TRAPPC11: variants seen among roughly 807,000 people sequenced by gnomAD.
TRAPPC11 encodes foie gras homolog.
A neutral mutation model predicts 151.2 loss-of-function variants in TRAPPC11; 104 were observed. The observed-to-expected ratio is 0.69, with a 90% confidence interval of 0.59 to 0.81. The LOEUF is 0.81. TRAPPC11 is among the 30% of genes least tolerant of loss of function. The pLI, the probability that TRAPPC11 is intolerant of heterozygous loss-of-function variation, is 0.00. For synonymous variants in TRAPPC11, 456 were observed against 472.3 expected, an observed-to-expected ratio of 0.97 and a Z score of 0.45; for missense variants, 1,230 against 1,349.6, an observed-to-expected ratio of 0.91 and a Z score of 1.39.
intron 10 of TRAPPC11, among the ~76,000 whole-genome samples, chr4:183,681,129 G>A (rs972069135): frequency 6.6e-6 from 1 of 151,376 alleles, no homozygotes; most frequent in Admixed American, 6.6e-5. Flanking sequence ...AAATAAGAAC[G>A]TGGTATATAT....
rs1736821968 is a variant in TRAPPC11, at chr4:183,701,927, G to C, written c.2963+119G>C. 1.2e-5 allele frequency: 9 copies of C among 724,452 alleles called. No homozygotes were observed. The South Asian group carries it at 1.5e-4, about 12-fold the overall frequency. 44.9% of individuals were successfully genotyped at this position (724,452 alleles called of 1,614,324 possible). On this transcript the variant is annotated intron_variant, in intron 26 of 29. Transcript: ENST00000334690. Reference sequence around the variant, plus strand: ...TGTCATTCTGAAGAGCAGAAGTCATGTGGATATGAACACAAACCTGAAAAA... The same window carrying C: ...TGTCATTCTGAAGAGCAGAAGTCATCTGGATATGAACACAAACCTGAAAAA...
chr4:183,706,701 A>G, intron 27 of TRAPPC11, 106 bp from the exon 28 acceptor site: 1 of 1,245,224 alleles, frequency 8.0e-7, no homozygotes, highest in Non-Finnish European at 1.1e-6. Flanking sequence ...TAACGTCATT[A>G]ATTTAAATGA....
chr4:183,679,859 G>A (rs1045081362), intron 9 of TRAPPC11, among the ~76,000 whole-genome samples: 1 of 152,028 alleles, frequency 6.6e-6, no homozygotes. Flanking sequence ...TTATTTGAGT[G>A]GTAGGAACTA....
Position 183,686,614 on chromosome 4 carries a change from C to T in TRAPPC11, c.1763-4C>T, listed in dbSNP as rs373417494. The T allele has an allele frequency of 6.2e-7, 1 of 1,613,650 alleles. No individual in the cohort carries two copies. The highest frequency in any genetic ancestry group is 1.7e-5 in the Admixed American group (1 of 59,926). On this transcript the variant is annotated splice_region_variant and splice_polypyrimidine_tract_variant and intron_variant, in intron 17 of 29. Transcript: ENST00000334690. ...ATAACACAGCCCTTTTGTTTTATTT[C>T]TAGTGCAGTGCAAAGCCAAGTTTCA... is the stretch of plus-strand genomic sequence containing the variant.
intron 27 of TRAPPC11, among the ~76,000 whole-genome samples, chr4:183,706,369 A>G (rs1232422537): frequency 6.6e-6 from 1 of 152,076 alleles, no homozygotes; most frequent in African/African-American, 2.4e-5. Context: ...TAAAAATGCA[A>G]AAAATTAGCC....
chr4:183,663,867 C>T lies in TRAPPC11; in HGVS notation c.-1C>T, dbSNP rs767219129. 3 of 1,558,412 alleles carry T rather than the reference C, an allele frequency of 1.9e-6. No homozygotes were observed. Among genetic ancestry groups the T allele is most frequent in the East Asian group, 2.4e-5 (1 of 40,930 alleles). ...TTCAGGTTTTTTGTGACATCGTAAACATGAGCCCCACACAGTGGGACTTCC... is the reference window on the plus strand; with the variant it reads ...TTCAGGTTTTTTGTGACATCGTAAATATGAGCCCCACACAGTGGGACTTCC... On this transcript the variant is annotated 5_prime_UTR_variant, in exon 2 of 30. Transcript: ENST00000334690.
chr4:183,661,365 T>G (rs1306985825), intron 1 of TRAPPC11, among the ~76,000 whole-genome samples: 1 of 130,058 alleles, frequency 7.7e-6, no homozygotes, highest in Non-Finnish European at 1.6e-5. Flanking sequence ...GATTACCTTT[T>G]TTTTTTTTTT....
chr4:183,660,900 G>A (rs1042946774), intron 1 of TRAPPC11, among the ~76,000 whole-genome samples: 1 of 151,912 alleles, frequency 6.6e-6, no homozygotes, highest in Admixed American at 6.6e-5. Context: ...TTTTAGTAGA[G>A]ACGGGGTTTC....
chr4:183,684,399 T>A (rs1195332977), intron 14 of TRAPPC11, 40 bp downstream of exon 14: 1 of 1,544,572 alleles, frequency 6.5e-7, no homozygotes, highest in Admixed American at 1.7e-5. Flanking sequence ...AGTATTTGGA[T>A]TATCTGAAGT....
chr4:183,696,483 A>C (rs143271015), intron 23 of TRAPPC11, among the ~76,000 whole-genome samples: 2,249 of 151,422 alleles, frequency 0.015, 53 homozygotes, highest in African/African-American at 0.052. Flanking sequence ...GCAGCCTCCG[A>C]CTCCTGGGTT....
At chr4:183,687,005 C>A (rs1015717938) in intron 18 of TRAPPC11, among the ~76,000 whole-genome samples, 1 of 151,986 alleles carries the variant, frequency 6.6e-6, no homozygotes, top group Non-Finnish European at 1.5e-5. Flanking sequence ...ATGGTGAAAC[C>A]CCGTCTCTAC....
Position 183,666,423 on chromosome 4 carries a change from T to A in TRAPPC11, c.371T>A (p.Val124Asp). 1 of 1,612,300 alleles carries A rather than the reference T, an allele frequency of 6.2e-7. No homozygotes were observed. Among genetic ancestry groups the A allele is most frequent in the Non-Finnish European group, 8.5e-7 (1 of 1,179,010 alleles). Residue 124 changes from valine to aspartate, a missense_variant, in exon 3 of 30, where the codon GTC becomes GAC. Coordinates refer to ENST00000334690, the MANE Select transcript of TRAPPC11 (RefSeq NM_021942.6). ...QSECATRVEI[V>D]RQSLQGRNTK... is the part of the protein sequence containing the mutation. ...GAGTGCGCCACCAGAGTGGAAATAG[T>A]CAGGTATGATCTTCTGTGTCAGGGC...
chr4:183,706,459 C>G (rs962734186), intron 27 of TRAPPC11, among the ~76,000 whole-genome samples: 3 of 151,366 alleles, frequency 2.0e-5, no homozygotes, highest in Non-Finnish European at 4.4e-5. Context: ...GGAGGCGGAG[C>G]TTGCAGTGAG....
Position 183,682,751 on chromosome 4 carries a change from A to G in TRAPPC11, c.1133A>G (p.Asn378Ser), listed in dbSNP as rs780991425. The change falls in exon 11 of 30, where the codon AAT becomes AGT. Residue 378 changes from asparagine to serine, a missense_variant. Coordinates refer to ENST00000334690, the MANE Select transcript of TRAPPC11 (RefSeq NM_021942.6). ...CNHEASVMYP[N>S]PDPLETQTGV... ...TTACAGGCTTCTGTAATGTATCCCA[A>G]TCCTGATCCCTTAGAAACACAAACA... The G allele has an allele frequency of 1.9e-5, 31 of 1,613,278 alleles. No individual in the cohort carries two copies. The highest frequency in any genetic ancestry group is 2.2e-5 in the Non-Finnish European group (26 of 1,179,484).
chr4:183,680,959 C>T (rs1579184489), intron 10 of TRAPPC11, among the ~76,000 whole-genome samples: 2 of 151,992 alleles, frequency 1.3e-5, no homozygotes, highest in African/African-American at 4.8e-5. Flanking sequence ...TTCCAAAGTG[C>T]TGGAATTACA....
At chr4:183,699,474 C>T (rs768108572) in intron 25 of TRAPPC11, among the ~76,000 whole-genome samples, 2 of 152,174 alleles carry the variant, frequency 1.3e-5, no homozygotes, top group Non-Finnish European at 2.9e-5. Flanking sequence ...GTGTCTTATT[C>T]ATCTTCATAT....
intron 7 of TRAPPC11, among the ~76,000 whole-genome samples, chr4:183,675,963 A>G (rs867799179): frequency 1.3e-5 from 2 of 152,166 alleles, no homozygotes; most frequent in Non-Finnish European, 2.9e-5. Flanking sequence ...AAAGGTATTA[A>G]AAACAGCTAT....
intron 1 of TRAPPC11, among the ~76,000 whole-genome samples, chr4:183,661,665 C>G (rs940705009): frequency 1.3e-5 from 2 of 151,880 alleles, no homozygotes; most frequent in African/African-American, 4.8e-5. Flanking sequence ...GCCACCGCGC[C>G]CGGCCAGATT....
At position 183,686,619 on chromosome 4, in the gene TRAPPC11, G is replaced by A. The variant is rs753750783; in HGVS notation, c.1764G>A (p.Val588=). The stretch of plus-strand genomic sequence containing the variant: ...ACAGCCCTTTTGTTTTATTTCTAGT[G>A]CAGTGCAAAGCCAAGTTTCATGCCC... ...TIGVQDFVPF[V]QCKAKFHAPS... The change falls in exon 18 of 30, where the codon GTG becomes GTA. Residue 588 remains valine (V), a splice_region_variant and synonymous_variant. Transcript: ENST00000334690. 1.2e-6 allele frequency: 2 copies of A among 1,613,802 alleles called. No individual in the cohort carries two copies. The highest frequency in any genetic ancestry group is 1.3e-5 in the African/African-American group (1 of 74,978).
Sources: gnomAD v4.1 joint callset for allele counts (sites outside exome capture counted in the v4.1 genomes callset) on GRCh38, gnomAD v4.1.1 for gene constraint, MANE v1.5 for transcripts, NCBI Gene and HGNC (gene_info 2026-07-23, HGNC 2026-07-21) for gene names.